The following EPHB3 variants were observed in gnomAD, a reference collection of about 807,000 sequenced individuals.
EPHB3 encodes the protein EPH receptor B3, also known as ephrin type-B receptor 3.
In EPHB3, 33 loss-of-function variants were observed where a neutral mutation model predicts 100.2. The ratio of observed to expected loss-of-function variants is 0.33; its 90% CI spans 0.25 to 0.44. EPHB3 has a LOEUF of 0.44. Ranked by LOEUF, EPHB3 falls within the 20% of genes least tolerant of loss-of-function variation. EPHB3 has a pLI of 1.00. For missense variants in EPHB3, 1,045 were observed against 1,378.3 expected (o/e 0.76, Z 3.83); for synonymous variants, 526 against 554.7 (o/e 0.95, Z 0.73).
Position 184,577,094 on chromosome 3 carries a change from C to A in EPHB3, c.1265C>A (p.Thr422Asn). Residue 422 changes from threonine (T) to asparagine (N), a missense_variant, in exon 5 of 16, where the codon ACC (threonine) becomes AAC (asparagine). By Grantham distance (65) the Thr-to-Asn change is moderately conservative. Coordinates refer to ENST00000330394, the MANE Select transcript of EPHB3 (RefSeq NM_004443.4). This position sits in a 1 kb window ranked among gnomAD's most constrained non-coding sequence, Gnocchi z 4.9. ...ISHLLAHTRY[T>N]FEVQAVNGVS... ...CATCTGCTGGCCCACACGCGCTACA[C>A]CTTTGAGGTGCAGGCGGTCAACGGT... 1 of 1,613,448 alleles carries A rather than the reference C, an allele frequency of 6.2e-7. No homozygotes were observed. The highest frequency in any genetic ancestry group is 1.1e-5 in the South Asian group (1 of 91,082).
chr3:184,572,403 T>C lies in EPHB3; in HGVS notation c.184-101T>C, dbSNP rs1239205753. On this transcript the variant is annotated intron_variant, in intron 2 of 15. Coordinates refer to ENST00000330394, the MANE Select transcript of EPHB3 (RefSeq NM_004443.4). The surrounding 1 kb of genome is among the most constrained non-coding windows in gnomAD (Gnocchi z 6.6). ...CTGTATGCTCAGCCACTGCACACCA[T>C]AGAAGCATCCCTGTGAAGTAAATAG... is the stretch of plus-strand genomic sequence containing the variant. The C allele has an allele frequency of 3.7e-6, 5 of 1,359,664 alleles. No individual in the cohort carries two copies. Among genetic ancestry groups the C allele is most frequent in the South Asian group, 3.3e-5 (2 of 60,506 alleles). 84.2% of individuals were successfully genotyped at this position (1,359,664 alleles called of 1,614,324 possible). A position where few individuals can be genotyped will look rare whatever the true frequency, so the allele number is the denominator to read the frequency against.
At position 184,579,610 on chromosome 3, in the gene EPHB3, C is replaced by G; in HGVS notation, c.1924+11C>G. ...AGGTGATCGGAGCTGGTGAGTCTCC[C>G]GGGGCACAGTAGAGATGAGAAGCTG... On this transcript the variant is annotated intron_variant, in intron 10 of 15. Transcript: ENST00000330394. The surrounding 1 kb of genome is among the most constrained non-coding windows in gnomAD (Gnocchi z 5.2). 2 of 1,613,810 alleles carry G rather than the reference C, an allele frequency of 1.2e-6. No homozygotes were observed. Among genetic ancestry groups the G allele is most frequent in the Non-Finnish European group, 1.7e-6 (2 of 1,179,896 alleles).
chr3:184,570,759 T>A (rs1438165767), intron 1 of EPHB3, among the ~76,000 whole-genome samples: 4 of 152,178 alleles, frequency 2.6e-5, no homozygotes, highest in Admixed American at 2.6e-4. Flanking sequence ...TGGACCAGCC[T>A]CTGCTCCTGC....
intron 3 of EPHB3, among the ~76,000 whole-genome samples, chr3:184,574,766 AG>A (rs1280797931): frequency 2.0e-5 from 3 of 152,120 alleles, no homozygotes; most frequent in African/African-American, 7.2e-5. Context: ...CAGCCTGAAG[AG>A]GGGCTAACAC....
At position 184,572,981 on chromosome 3, in the gene EPHB3, C is replaced by T. The variant is rs1053717016; in HGVS notation, c.661C>T (p.Leu221Phe). Reference protein sequence around the residue: ...KCASTTAGFALFPETLTGAEP... With the variant: ...KCASTTAGFAFFPETLTGAEP... ...TGCATCCACCACCGCAGGCTTCGCA[C>T]TCTTCCCCGAGACCCTCACTGGGGC... The change falls in exon 3 of 16, where the codon CTC becomes TTC. Residue 221 changes from leucine (L) to phenylalanine (F), a missense_variant. Transcript: ENST00000330394. The surrounding 1 kb of genome is among the most constrained non-coding windows in gnomAD (Gnocchi z 6.6). 2.5e-6 allele frequency: 4 copies of T among 1,606,188 alleles called. No homozygotes were observed. The highest frequency in any genetic ancestry group is 1.7e-5 in the Admixed American group (1 of 59,588).
At position 184,565,600 on chromosome 3, in the gene EPHB3, C is replaced by G. The variant is rs921014645; in HGVS notation, c.118+3247C>G. On this transcript the variant is annotated intron_variant, in intron 1 of 15. Transcript: ENST00000330394. This position sits in a 1 kb window ranked among gnomAD's most constrained non-coding sequence, Gnocchi z 4.8. ...TCTGAAGGAACAAGACAGCATAGAG[C>G]CCACCTCCTTCACAGGGGCAGCAGG... Among the ~76,000 whole-genome samples, 2 of 152,216 alleles carry G rather than the reference C, an allele frequency of 1.3e-5. No individual in the cohort carries two copies. Among genetic ancestry groups the G allele is most frequent in the South Asian group, 4.1e-4 (2 of 4,828 alleles).
In EPHB3 at chr3:184,571,492, C is replaced by A; in HGVS notation, c.183+110C>A. On this transcript the variant is annotated intron_variant, in intron 2 of 15. Transcript: ENST00000330394. This position sits in a 1 kb window ranked among gnomAD's most constrained non-coding sequence, Gnocchi z 5.0. ...AGGGCCTGGAGGAGGGCTGCCTCTG[C>A]CCTCTGCCTGTCACCCTCACTTCCT... is the stretch of plus-strand genomic sequence containing the variant. 1 of 1,141,052 alleles carries A rather than the reference C, an allele frequency of 8.8e-7. No individual in the cohort carries two copies. The highest frequency in any genetic ancestry group is 1.3e-6 in the Non-Finnish European group (1 of 770,892). 70.7% of individuals were successfully genotyped at this position (1,141,052 alleles called of 1,614,324 possible).
chr3:184,580,978 A>C lies in EPHB3; in HGVS notation c.2545A>C (p.Asn849His). ...TTCCCTGCCTTCGGCCCAGGTCATCAATGCCGTGGAGCAGGATTACCGGCT... is the reference window on the plus strand; with the variant it reads ...TTCCCTGCCTTCGGCCCAGGTCATCCATGCCGTGGAGCAGGATTACCGGCT... ...YWDMSNQDVINAVEQDYRLPP... is the reference protein window; with the variant it reads ...YWDMSNQDVIHAVEQDYRLPP... Residue 849 changes from asparagine to histidine, a missense_variant, in exon 14 of 16, where the codon AAT becomes CAT. This residue lies in a region of EPHB3 where 985 missense variants were observed against 1,331.1 expected (regional missense o/e 0.74). Transcript: ENST00000330394. 2 of 1,610,904 alleles carry C rather than the reference A, an allele frequency of 1.2e-6. No individual in the cohort carries two copies. The highest frequency in any genetic ancestry group is 8.5e-7 in the Non-Finnish European group (1 of 1,177,450).
In EPHB3 at chr3:184,571,943, A is replaced by G. The variant is rs1036387056; in HGVS notation, c.183+561A>G. On this transcript the variant is annotated intron_variant, in intron 2 of 15. Transcript: ENST00000330394. This position sits in a 1 kb window ranked among gnomAD's most constrained non-coding sequence, Gnocchi z 5.0. ...CAGGCCTGACTGTGTGACCTTGGGC[A>G]AAACTCCCTTCTGCGAGCCTTGGCT... 1.4e-4 allele frequency among the ~76,000 whole-genome samples: 21 copies of G among 152,216 alleles called. No individual in the cohort carries two copies. The highest frequency in any genetic ancestry group is 4.1e-4 in the African/African-American group (17 of 41,460).
At chr3:184,570,229 T>C (rs1714506306) in intron 1 of EPHB3, among the ~76,000 whole-genome samples, 1 of 152,160 alleles carries the variant, frequency 6.6e-6, no homozygotes, top group South Asian at 2.1e-4. Context: ...AACAGCTCTG[T>C]TGGGACTTAA....
At position 184,575,804 on chromosome 3, in the gene EPHB3, C is replaced by T. The variant is rs142999395; in HGVS notation, c.857-26C>T. On this transcript the variant is annotated intron_variant, in intron 3 of 15. Transcript: ENST00000330394. Reference sequence around the variant, plus strand: ...GTGTCTGCAGGGAAGGGAGGTGAGCCCCATTCATCCTCTTCTCTCCCACAG... The same window carrying T: ...GTGTCTGCAGGGAAGGGAGGTGAGCTCCATTCATCCTCTTCTCTCCCACAG... The T allele has an allele frequency of 1.2e-3, 1,845 of 1,563,490 alleles. 20 individuals are homozygous for T. In the African/African-American group the frequency reaches 0.022, roughly 18 times the overall value.
In EPHB3 at chr3:184,562,314, CCGCT is replaced by C; in HGVS notation, c.80_83del (p.Pro27ArgfsTer21). 1 of 1,251,686 alleles carries C rather than the reference CCGCT, an allele frequency of 8.0e-7. No homozygotes were observed. The highest frequency in any genetic ancestry group is 3.0e-5 in the South Asian group (1 of 33,150). 77.5% of individuals were successfully genotyped at this position (1,251,686 alleles called of 1,614,324 possible). The stretch of plus-strand genomic sequence containing the variant: ...GCTGCTCCCTCCGCTGCTGCTGCTG[CCGCT>C]GCTGCTGCTGCCCGCCGGCTGCCGG... On this transcript the variant is annotated frameshift_variant, in exon 1 of 16. Transcript: ENST00000330394. LOFTEE classifies it high-confidence loss of function. The surrounding 1 kb of genome is among the most constrained non-coding windows in gnomAD (Gnocchi z 4.8).
rs1714292743 is a variant in EPHB3, at chr3:184,562,849, C to T, written c.118+496C>T. Among the ~76,000 whole-genome samples, 1 of 152,158 alleles carries T rather than the reference C, an allele frequency of 6.6e-6. No individual in the cohort carries two copies. ...ACCCCGATTTGTCAGGGGACCGCTG[C>T]GGGGGCGGACAGGCGGGGGCCTGTT... On this transcript the variant is annotated intron_variant, in intron 1 of 15. Coordinates refer to ENST00000330394, the MANE Select transcript of EPHB3 (RefSeq NM_004443.4). The surrounding 1 kb of genome is among the most constrained non-coding windows in gnomAD (Gnocchi z 4.8).
Position 184,577,424 on chromosome 3 carries a change from C to A in EPHB3, c.1436C>A (p.Pro479His). Reference sequence around the variant, plus strand: ...CTATCCTGGGCACCCCCAGAGCGGCCCAACGGAGTCATCCTGGACTACGAG... The same window carrying A: ...CTATCCTGGGCACCCCCAGAGCGGCACAACGGAGTCATCCTGGACTACGAG... ...LTLSWAPPERPNGVILDYEMK... is the reference protein window; with the variant it reads ...LTLSWAPPERHNGVILDYEMK... Residue 479 changes from proline to histidine, a missense_variant, in exon 6 of 16, where the codon CCC becomes CAC. By Grantham distance (77) the Pro-to-His change is moderately conservative (BLOSUM62 -2). This residue lies in a region of EPHB3 where 985 missense variants were observed against 1,331.1 expected (regional missense o/e 0.74). Transcript: ENST00000330394. This position sits in a 1 kb window ranked among gnomAD's most constrained non-coding sequence, Gnocchi z 4.9. 6.2e-7 allele frequency: 1 copy of A among 1,614,034 alleles called. No individual in the cohort carries two copies. The highest frequency in any genetic ancestry group is 8.5e-7 in the Non-Finnish European group (1 of 1,180,006).
At chr3:184,575,566 G>T (rs1027913734) in intron 3 of EPHB3, among the ~76,000 whole-genome samples, 6 of 151,814 alleles carry the variant, frequency 4.0e-5, no homozygotes, top group Non-Finnish European at 7.4e-5. Flanking sequence ...AGGTGATGGG[G>T]CTGACGTCTT....
At chr3:184,570,198 G>A (rs545583280) in intron 1 of EPHB3, among the ~76,000 whole-genome samples, 3 of 152,270 alleles carry the variant, frequency 2.0e-5, no homozygotes, top group East Asian at 1.9e-4. Flanking sequence ...GGAGGTTCAC[G>A]GAAGGCTTCC....
chr3:184,571,165 A>T lies in EPHB3; in HGVS notation c.119-153A>T, dbSNP rs1050412240. On this transcript the variant is annotated intron_variant, in intron 1 of 15. Coordinates refer to ENST00000330394, the MANE Select transcript of EPHB3 (RefSeq NM_004443.4). This position sits in a 1 kb window ranked among gnomAD's most constrained non-coding sequence, Gnocchi z 5.0. ...GATGGGGTTTCAACATGTTGGTCAG[A>T]CTGATCTCAAACTCCTGACCTCAAG... 1.3e-5 allele frequency among the ~76,000 whole-genome samples: 2 copies of T among 151,804 alleles called. No individual in the cohort carries two copies. The highest frequency in any genetic ancestry group is 2.4e-5 in the African/African-American group (1 of 41,322).
Position 184,571,610 on chromosome 3 carries a change from G to C in EPHB3, c.183+228G>C, listed in dbSNP as rs1425011819. ...CTATCTCTCACCCCTCTGCCTGCCT[G>C]TGCCCCCCAGCTCCCGCTCCCTCTC... On this transcript the variant is annotated intron_variant, in intron 2 of 15. Transcript: ENST00000330394. The surrounding 1 kb of genome is among the most constrained non-coding windows in gnomAD (Gnocchi z 5.0). Among the ~76,000 whole-genome samples, 1 of 151,768 alleles carries C rather than the reference G, an allele frequency of 6.6e-6. No individual in the cohort carries two copies. The highest frequency in any genetic ancestry group is 1.5e-5 in the Non-Finnish European group (1 of 67,942).
rs9862375 is a variant in EPHB3 at position 184,572,560 on chromosome 3, G to A, written c.240G>A (p.Val80=). ...TGAATCCCATCCGCACATACCAGGT[G>A]TGTAATGTGCGCGAGTCAAGCCAGA... is the stretch of plus-strand genomic sequence containing the variant. ...EAMNPIRTYQ[V]CNVRESSQNN... Residue 80 remains valine, a synonymous_variant, in exon 3 of 16, where the codon GTG becomes GTA. Coordinates refer to ENST00000330394, the MANE Select transcript of EPHB3 (RefSeq NM_004443.4). This position sits in a 1 kb window ranked among gnomAD's most constrained non-coding sequence, Gnocchi z 6.6. The A allele has an allele frequency of 0.082, 127,926 of 1,552,552 alleles. 5,725 individuals are homozygous for A. Among genetic ancestry groups the A allele is most frequent in the Middle Eastern group, 0.1 (588 of 5,766 alleles).
Sources: gnomAD v4.1 joint callset for allele counts (sites outside exome capture counted in the v4.1 genomes callset) on GRCh38, gnomAD v4.1.1 for gene constraint, gnomAD v4.1.1 regional missense constraint, Gnocchi (gnomAD v3.1) non-coding constraint, MANE v1.5 for transcripts, NCBI Gene and HGNC (gene_info 2026-07-23, HGNC 2026-07-21) for gene names.